The following KIAA1549L variants were observed in gnomAD, a reference collection of about 807,000 sequenced individuals.
KIAA1549L encodes KIAA1549 like, also known as UPF0606 protein KIAA1549L.
In KIAA1549L, 88 loss-of-function variants were observed where a neutral mutation model predicts 160.7. The observed-to-expected ratio is 0.55, with a 90% confidence interval of 0.46 to 0.65. The LOEUF (loss-of-function observed/expected upper bound fraction) is 0.65. Among genes scored for constraint, KIAA1549L ranks in the 30% least tolerant of loss-of-function variants. KIAA1549L has a pLI of 0.00. For synonymous variants in KIAA1549L, 950 were observed against 976.7 expected (o/e 0.97, Z 0.51); for missense variants, 2,258 against 2,437.5 (o/e 0.93, Z 1.55).
intron 1 of KIAA1549L, among the ~76,000 whole-genome samples, chr11:33,482,717 G>A (rs1395206527): frequency 1.3e-5 from 2 of 151,500 alleles, no homozygotes; most frequent in Admixed American, 6.6e-5. Flanking sequence ...TTATAGGCAC[G>A]TGCCACCATA....
At position 33,660,938 on chromosome 11, in the gene KIAA1549L, C is replaced by T. The variant is rs768294647; in HGVS notation, c.6083C>T (p.Pro2028Leu). The change falls in exon 20 of 21, where the codon CCT becomes CTT. Residue 2028 changes from proline to leucine, a missense_variant. Around this residue, in one of 6 missense-constraint regions of KIAA1549L, gnomAD observed 1,359 missense variants for 1,546.6 expected, o/e 0.88. Coordinates refer to ENST00000658780, the MANE Select transcript of KIAA1549L (RefSeq NM_012194.3). Reference protein sequence around the residue: ...PGFTGYFIPTPPSSYRNQAWM... With the variant: ...PGFTGYFIPTLPSSYRNQAWM... ...TTCACCGGCTACTTCATCCCAACGC[C>T]TCCCTCATCCTATAGGAACCAGGCC... is the stretch of plus-strand genomic sequence containing the variant. The T allele has an allele frequency of 1.8e-5, 29 of 1,613,458 alleles. No homozygotes were observed. Among genetic ancestry groups the T allele is most frequent in the Non-Finnish European group, 2.2e-5 (26 of 1,179,734 alleles).
chr11:33,461,527 A>G (rs1851943078), intron 1 of KIAA1549L, among the ~76,000 whole-genome samples: 1 of 152,198 alleles, frequency 6.6e-6, no homozygotes. Context: ...TGTTGGCTGT[A>G]CCTTGTCACT....
intron 13 of KIAA1549L, among the ~76,000 whole-genome samples, chr11:33,600,934 G>A (rs1003937622): frequency 2.0e-5 from 3 of 151,902 alleles, no homozygotes; most frequent in South Asian, 2.1e-4. Flanking sequence ...TCCTGACCCC[G>A]TCACTCCCCA....
At chr11:33,435,798 A>ATATG (rs1565135870) in intron 1 of KIAA1549L, among the ~76,000 whole-genome samples, 14 of 7,624 alleles carry the variant, frequency 1.8e-3, no homozygotes, top group African/African-American at 8.9e-3. Context: ...ATATATATAT[A>ATATG]TATATATATA....
chr11:33,667,972 C>T lies in KIAA1549L; in HGVS notation c.6259C>T (p.His2087Tyr). The change falls in exon 21 of 21, where the codon CAC becomes TAC. Residue 2087 changes from histidine to tyrosine, a missense_variant. His to Tyr is a moderately conservative substitution (Grantham distance 83). This residue lies in a region of KIAA1549L where 1,359 missense variants were observed against 1,546.6 expected (regional missense o/e 0.88). Transcript: ENST00000658780. ...TCAGTACAGCCAGCCAGCCAACCTG[C>T]ACCCCAGCCTGGAGCAGGCCCCGGC... Reference protein sequence around the residue: ...PRQYSQPANLHPSLEQAPAPS... With the variant: ...PRQYSQPANLYPSLEQAPAPS... The T allele has an allele frequency of 1.2e-6, 2 of 1,613,968 alleles. No homozygotes were observed. Among genetic ancestry groups the T allele is most frequent in the Admixed American group, 1.7e-5 (1 of 60,020 alleles).
intron 1 of KIAA1549L, among the ~76,000 whole-genome samples, chr11:33,440,287 G>T (rs1053991731): frequency 1.3e-5 from 2 of 149,886 alleles, no homozygotes; most frequent in Non-Finnish European, 3.0e-5. Context: ...CCGCCACTAC[G>T]CCCGGCTAAT....
intron 1 of KIAA1549L, among the ~76,000 whole-genome samples, chr11:33,412,496 T>C (rs1222676982): frequency 6.6e-6 from 1 of 152,242 alleles, no homozygotes; most frequent in Non-Finnish European, 1.5e-5. Flanking sequence ...TGGAGTATGC[T>C]ACCATGAGGC....
chr11:33,552,288 A>C, intron 6 of KIAA1549L, 47 bp downstream of exon 6: 1 of 1,567,208 alleles, frequency 6.4e-7, no homozygotes, highest in African/African-American at 1.3e-5. Flanking sequence ...GACAACCACA[A>C]TGCAGAGTCT....
chr11:33,583,851 C>T (rs1329606147), intron 11 of KIAA1549L, among the ~76,000 whole-genome samples: 2 of 152,206 alleles, frequency 1.3e-5, no homozygotes, highest in Non-Finnish European at 2.9e-5. Flanking sequence ...CAGACTCCCT[C>T]CTTTCACCCA....
chr11:33,544,003 C>T lies in KIAA1549L; in HGVS notation c.2440C>T (p.Gln814Ter). The T allele has an allele frequency of 6.2e-7, 1 of 1,613,996 alleles. No individual in the cohort carries two copies. Among genetic ancestry groups the T allele is most frequent in the Non-Finnish European group, 8.5e-7 (1 of 1,179,896 alleles). Residue 814 changes from glutamine (Q) to a stop codon, truncating the protein, a stop_gained, in exon 2 of 21, where the codon CAA (glutamine) becomes TAA (stop). Coordinates refer to ENST00000658780, the MANE Select transcript of KIAA1549L (RefSeq NM_012194.3). LOFTEE classifies it high-confidence loss of function. ...TSNNNHSRDFQTAEVAYYSPT... is the reference protein window; with the variant it reads ...TSNNNHSRDF The stretch of plus-strand genomic sequence containing the variant: ...CAATAACAACCATTCCAGAGACTTC[C>T]AAACAGCTGAAGTTGCATATTACTC...
intron 16 of KIAA1549L, among the ~76,000 whole-genome samples, chr11:33,636,118 C>T (rs549280184): frequency 1.3e-5 from 2 of 152,298 alleles, no homozygotes; most frequent in East Asian, 3.9e-4. Context: ...GTCACTTAGT[C>T]ACACAGTGGT....
Position 33,551,133 on chromosome 11 carries a change from C to G in KIAA1549L, c.3595C>G (p.Leu1199Val). Residue 1199 changes from leucine to valine, a missense_variant, in exon 5 of 21, where the codon CTG becomes GTG. Around this residue, in one of 6 missense-constraint regions of KIAA1549L, gnomAD observed 1,359 missense variants for 1,546.6 expected, o/e 0.88. Coordinates refer to ENST00000658780, the MANE Select transcript of KIAA1549L (RefSeq NM_012194.3). ...TTTGCCTGCTGTGGTGATCGAAATG[C>G]TGGGTGTGTATGGAGTCAGCAACGT... ...VYLPAVVIEM[L>V]GVYGVSNVTA... 1 of 1,613,988 alleles carries G rather than the reference C, an allele frequency of 6.2e-7. No homozygotes were observed. Among genetic ancestry groups the G allele is most frequent in the Non-Finnish European group, 8.5e-7 (1 of 1,179,868 alleles).
chr11:33,439,250 C>T (rs950197236), intron 1 of KIAA1549L, among the ~76,000 whole-genome samples: 9 of 152,038 alleles, frequency 5.9e-5, no homozygotes, highest in Non-Finnish European at 8.8e-5. Context: ...CCTTCTTTAA[C>T]TATGGTTTTT....
At chr11:33,426,505 G>A (rs1851119955) in intron 1 of KIAA1549L, among the ~76,000 whole-genome samples, 1 of 152,142 alleles carries the variant, frequency 6.6e-6, no homozygotes, top group South Asian at 2.1e-4. Flanking sequence ...GGCCCTCCTG[G>A]TGCACAGGTG....
intron 1 of KIAA1549L, among the ~76,000 whole-genome samples, chr11:33,431,925 T>G (rs980013814): frequency 6.6e-6 from 1 of 152,200 alleles, no homozygotes; most frequent in Non-Finnish European, 1.5e-5. Flanking sequence ...GAAATCGAGC[T>G]CAGCGCTGGT....
chr11:33,533,980 G>C (rs947033363), intron 1 of KIAA1549L, among the ~76,000 whole-genome samples: 5 of 152,204 alleles, frequency 3.3e-5, no homozygotes, highest in Non-Finnish European at 7.4e-5. Context: ...TTGTTGGCTT[G>C]TCCCTGGTTG....
chr11:33,395,982 T>TG (rs1294273262), intron 1 of KIAA1549L, among the ~76,000 whole-genome samples: 1 of 152,158 alleles, frequency 6.6e-6, no homozygotes, highest in Non-Finnish European at 1.5e-5. Context: ...CTGATTTATT[T>TG]GGGGGCAGGT....
intron 1 of KIAA1549L, among the ~76,000 whole-genome samples, chr11:33,427,079 C>A (rs1054866667): frequency 1.3e-5 from 2 of 152,180 alleles, no homozygotes; most frequent in African/African-American, 4.8e-5. Flanking sequence ...GAAAACCACA[C>A]GACCAGGCTC....
intron 1 of KIAA1549L, among the ~76,000 whole-genome samples, chr11:33,397,273 G>A (rs375793010): frequency 1.4e-5 from 2 of 146,166 alleles, no homozygotes; most frequent in South Asian, 4.3e-4. Context: ...GGCAGAGGTT[G>A]CAGTGAGCTG....
Sources: allele counts gnomAD v4.1 joint callset (sites outside exome capture counted in the v4.1 genomes callset), GRCh38; gene constraint gnomAD v4.1.1; regional missense constraint gnomAD v4.1.1; transcripts MANE v1.5; gene names NCBI Gene and HGNC (gene_info 2026-07-23, HGNC 2026-07-21).